Variants in ZBTB20 observed in about 807,000 individuals in gnomAD.
ZBTB20 encodes zinc finger and BTB domain-containing protein 20.
A neutral mutation model predicts 56.9 loss-of-function variants in ZBTB20; 9 were observed. The ratio of observed to expected loss-of-function variants is 0.16; its 90% CI spans 0.10 to 0.28. ZBTB20 has a LOEUF of 0.28. Among genes scored for constraint, ZBTB20 ranks in the 10% least tolerant of loss-of-function variants. ZBTB20 has a pLI of 1.00. For synonymous variants in ZBTB20, 417 were observed against 420.7 expected (o/e 0.99, Z 0.11); for missense variants, 655 against 1,003.0 (o/e 0.65, Z 4.69).
chr3:115,118,016 A>G (rs545703794), intron 1 of ZBTB20, among the ~76,000 whole-genome samples: 21 of 152,306 alleles, frequency 1.4e-4, no homozygotes, highest in African/African-American at 5.1e-4. Context: ...GTGACCTTAA[A>G]CAAGTTACTA....
chr3:114,453,389 A>G lies in ZBTB20; in HGVS notation c.-255+46963T>C, dbSNP rs537318605. On this transcript the variant is annotated intron_variant, in intron 7 of 11. Coordinates refer to ENST00000675478, the MANE Select transcript of ZBTB20 (RefSeq NM_001348800.3). ...TACTACCTTTTCTTAATAACTGACA[A>G]GTGACACAAGTGGTACCTTTTAAAC... Among the ~76,000 whole-genome samples the G allele has an allele frequency of 5.0e-4, 76 of 152,294 alleles. 1 individual carries two copies. Among genetic ancestry groups the G allele is most frequent in the Admixed American group, 2.7e-3 (41 of 15,286 alleles).
intron 4 of ZBTB20, among the ~76,000 whole-genome samples, chr3:114,862,679 A>C (rs1487022418): frequency 6.6e-6 from 1 of 152,114 alleles, no homozygotes; most frequent in Non-Finnish European, 1.5e-5. Flanking sequence ...CCTGGATGGT[A>C]GTGAGGGTTC....
intron 1 of ZBTB20, among the ~76,000 whole-genome samples, chr3:115,090,963 A>C (rs1371997470): frequency 6.6e-6 from 1 of 151,906 alleles, no homozygotes; most frequent in African/African-American, 2.4e-5. Context: ...AATCAAACTC[A>C]AAATAGCATG....
chr3:115,046,727 T>G (rs562115781), intron 2 of ZBTB20, among the ~76,000 whole-genome samples: 1 of 152,342 alleles, frequency 6.6e-6, no homozygotes, highest in East Asian at 1.9e-4. Context: ...TTTCCATTCA[T>G]GTAAAAACCT....
intron 2 of ZBTB20, among the ~76,000 whole-genome samples, chr3:115,060,132 C>G (rs147571526): frequency 6.6e-6 from 1 of 152,264 alleles, no homozygotes; most frequent in East Asian, 1.9e-4. Flanking sequence ...CTCAAACAAC[C>G]TCTTTTAACA....
chr3:114,371,331 G>C (rs2082981528), intron 10 of ZBTB20, among the ~76,000 whole-genome samples: 1 of 152,124 alleles, frequency 6.6e-6, no homozygotes, highest in Admixed American at 6.5e-5. Flanking sequence ...ATTCTTGGTG[G>C]TGGGGTCTGT....
At chr3:114,505,546 A>G (rs1184907028) in intron 6 of ZBTB20, among the ~76,000 whole-genome samples, 2 of 152,150 alleles carry the variant, frequency 1.3e-5, no homozygotes, top group African/African-American at 4.8e-5. Context: ...CTTATTTCCA[A>G]TCTTAATTAA....
At chr3:114,974,130 G>C (rs972386475) in intron 3 of ZBTB20, among the ~76,000 whole-genome samples, 3 of 150,792 alleles carry the variant, frequency 2.0e-5, no homozygotes, top group African/African-American at 4.9e-5. Flanking sequence ...ACAAGAGTTA[G>C]AGCAACACCT....
chr3:114,511,811 G>C (rs2045428208), intron 6 of ZBTB20, among the ~76,000 whole-genome samples: 1 of 152,142 alleles, frequency 6.6e-6, no homozygotes, highest in African/African-American at 2.4e-5. Flanking sequence ...GGGGTAAATT[G>C]ATGGATAAAA....
chr3:114,446,277 T>A (rs531993786), intron 7 of ZBTB20, among the ~76,000 whole-genome samples: 1 of 152,168 alleles, frequency 6.6e-6, no homozygotes, highest in African/African-American at 2.4e-5. Context: ...GATTACAGAT[T>A]GTTCTCTCCT....
At chr3:114,860,953 A>G (rs1048819627) in intron 4 of ZBTB20, among the ~76,000 whole-genome samples, 2 of 152,234 alleles carry the variant, frequency 1.3e-5, no homozygotes, top group African/African-American at 4.8e-5. Flanking sequence ...TGTATAAGGC[A>G]AGTATGTGTA....
chr3:114,715,621 C>T (rs1013268189), intron 5 of ZBTB20, among the ~76,000 whole-genome samples: 3 of 152,136 alleles, frequency 2.0e-5, no homozygotes, highest in Non-Finnish European at 4.4e-5. Context: ...ATATATGCAA[C>T]GTTGACCTGA....
intron 5 of ZBTB20, among the ~76,000 whole-genome samples, chr3:114,726,985 G>A (rs2399507): frequency 7.4e-6 from 1 of 135,012 alleles, no homozygotes; most frequent in Non-Finnish European, 1.6e-5. Context: ...TCATGGATAA[G>A]AAAGAGTTGG....
chr3:114,531,297 T>C (rs2047814253), intron 6 of ZBTB20, among the ~76,000 whole-genome samples: 2 of 152,208 alleles, frequency 1.3e-5, no homozygotes, highest in Non-Finnish European at 2.9e-5. Flanking sequence ...AATTATCTAA[T>C]TAAGTTCTAA....
chr3:114,610,258 G>T (rs900287628), intron 6 of ZBTB20, among the ~76,000 whole-genome samples: 5 of 152,186 alleles, frequency 3.3e-5, no homozygotes, highest in African/African-American at 9.6e-5. Context: ...GACTTACAGA[G>T]AATGCATAAC....
At chr3:114,542,267 C>T (rs2049201111) in intron 6 of ZBTB20, among the ~76,000 whole-genome samples, 1 of 152,094 alleles carries the variant, frequency 6.6e-6, no homozygotes, top group Non-Finnish European at 1.5e-5. Context: ...TTTTATGAAA[C>T]ATTTGTGTCT....
intron 2 of ZBTB20, among the ~76,000 whole-genome samples, chr3:115,042,622 C>T (rs1560519023): frequency 6.6e-6 from 1 of 152,152 alleles, no homozygotes. Flanking sequence ...TTTCGTTTGA[C>T]TTTGAATTAC....
intron 1 of ZBTB20, among the ~76,000 whole-genome samples, chr3:115,118,335 C>A (rs912335609): frequency 6.6e-6 from 1 of 152,124 alleles, no homozygotes; most frequent in Non-Finnish European, 1.5e-5. Flanking sequence ...GTGGCTGGAA[C>A]TACATGTGTG....
intron 5 of ZBTB20, among the ~76,000 whole-genome samples, chr3:114,779,211 T>G (rs910475348): frequency 6.6e-6 from 1 of 152,178 alleles, no homozygotes; most frequent in Non-Finnish European, 1.5e-5. Flanking sequence ...TAACTTATCT[T>G]TAGAAGGACA....
Sources: gnomAD v4.1 joint callset for allele counts (sites outside exome capture counted in the v4.1 genomes callset) on GRCh38, gnomAD v4.1.1 for gene constraint, MANE v1.5 for transcripts, NCBI Gene and HGNC (gene_info 2026-07-23, HGNC 2026-07-21) for gene names.